MTA1: variants seen among roughly 807,000 people sequenced by gnomAD.
MTA1 encodes the protein metastasis associated 1, also known as metastasis-associated protein MTA1.
Under a neutral mutation model 97.0 loss-of-function variants are expected in MTA1, and 15 were observed. The ratio of observed to expected loss-of-function variants is 0.15; its 90% CI spans 0.10 to 0.24. The LOEUF is 0.24. Ranked by LOEUF, MTA1 falls within the 10% of genes least tolerant of loss-of-function variation. The pLI is 1.00. For synonymous variants in MTA1, 435 were observed against 417.5 expected, an observed-to-expected ratio of 1.04 and a Z score of -0.51; for missense variants, 709 against 1,015.1, an observed-to-expected ratio of 0.70 and a Z score of 4.10.
chr14:105,436,514 C>T (rs948371867), intron 1 of MTA1, among the ~76,000 whole-genome samples: 7 of 152,216 alleles, frequency 4.6e-5, no homozygotes, highest in Non-Finnish European at 8.8e-5. Flanking sequence ...CAAATTCTCA[C>T]GTCTTCCACA....
At chr14:105,469,346 T>C in intron 18 of MTA1, 121 bp from the exon 19 acceptor site, 1 of 1,116,070 alleles carries the variant, frequency 9.0e-7, no homozygotes. Flanking sequence ...GGGTGTGGGC[T>C]GTGGCTTGGT....
At position 105,464,727 on chromosome 14, in the gene MTA1, G is replaced by A. The variant is rs1555432098; in HGVS notation, c.1398G>A (p.Lys466=). 2 of 1,609,280 alleles carry A rather than the reference G, an allele frequency of 1.2e-6. No homozygotes were observed. Among genetic ancestry groups the A allele is most frequent in the Admixed American group, 1.7e-5 (1 of 59,860 alleles). ...GCGGGAGCCCCAAGTTTGCCATGAA[G>A]ACCAGGCAGGCTTTCTATCTGCACA... ...RSSGSPKFAM[K]TRQAFYLHTT... Residue 466 remains lysine (K), a synonymous_variant, in exon 15 of 21, where the codon AAG becomes AAA. Coordinates refer to ENST00000331320, the MANE Select transcript of MTA1 (RefSeq NM_004689.4).
Position 105,463,928 on chromosome 14 carries a change from G to C in MTA1, c.1077-104G>C. 1 of 1,065,542 alleles carries C rather than the reference G, an allele frequency of 9.4e-7. No homozygotes were observed. The highest frequency in any genetic ancestry group is 1.3e-5 in the South Asian group (1 of 77,776). 66.0% of individuals were successfully genotyped at this position (1,065,542 alleles called of 1,614,324 possible). A position where few individuals can be genotyped will look rare whatever the true frequency, so the allele number is the denominator to read the frequency against. ...TGCCGAGGCCGAGGGGTGCGAGGACGTGGTTCTGGACAAGGGGTGGTCAGC... is the reference window on the plus strand; with the variant it reads ...TGCCGAGGCCGAGGGGTGCGAGGACCTGGTTCTGGACAAGGGGTGGTCAGC... On this transcript the variant is annotated intron_variant, in intron 12 of 20. Coordinates refer to ENST00000331320, the MANE Select transcript of MTA1 (RefSeq NM_004689.4). This position sits in a 1 kb window ranked among gnomAD's most constrained non-coding sequence, Gnocchi z 5.9.
Position 105,464,096 on chromosome 14 carries a change from G to A in MTA1, c.1141G>A (p.Gly381Arg). The change falls in exon 13 of 21, where the codon GGG becomes AGG. Residue 381 changes from glycine to arginine, a missense_variant. Coordinates refer to ENST00000331320, the MANE Select transcript of MTA1 (RefSeq NM_004689.4). The part of the protein sequence containing the change: ...NVKAGVVNGT[G>R]APGQSPGAGR... ...CAAGGCCGGTGTGGTGAACGGCACG[G>A]GGGCGCCGGGCCAGAGCCCTGGGGC... 1 of 1,612,396 alleles carries A rather than the reference G, an allele frequency of 6.2e-7. No homozygotes were observed. Among genetic ancestry groups the A allele is most frequent in the Non-Finnish European group, 8.5e-7 (1 of 1,179,750 alleles).
At position 105,464,560 on chromosome 14, in the gene MTA1, G is replaced by A; in HGVS notation, c.1337G>A (p.Ser446Asn). The change falls in exon 14 of 21, where the codon AGT becomes AAT. Residue 446 changes from serine (S) to asparagine (N), a missense_variant. Coordinates refer to ENST00000331320, the MANE Select transcript of MTA1 (RefSeq NM_004689.4). ...LDGERPGPNR[S>N]NMSPHGLPAR... is the part of the protein sequence containing the mutation. ...GGAGAGAGGCCAGGACCAAACCGCA[G>A]TAACATGGTAAGGGGGGGGACACCC... 3.7e-6 allele frequency: 6 copies of A among 1,612,800 alleles called. No homozygotes were observed. The highest frequency in any genetic ancestry group is 5.1e-6 in the Non-Finnish European group (6 of 1,179,872).
chr14:105,421,231 T>G (rs1426239922), intron 1 of MTA1, among the ~76,000 whole-genome samples: 1 of 152,050 alleles, frequency 6.6e-6, no homozygotes, highest in Non-Finnish European at 1.5e-5. Flanking sequence ...CGGCAGCCCC[T>G]CCCACAGCCT....
Position 105,466,709 on chromosome 14 carries a change from A to G in MTA1, c.1780A>G (p.Asn594Asp). 6.2e-7 allele frequency: 1 copy of G among 1,602,796 alleles called. No homozygotes were observed. Among genetic ancestry groups the G allele is most frequent in the Non-Finnish European group, 8.5e-7 (1 of 1,176,088 alleles). The change falls in exon 18 of 21, where the codon AAC becomes GAC. Residue 594 changes from asparagine to aspartate, a missense_variant and splice_region_variant. Physicochemically the swap from Asn to Asp is conservative, Grantham distance 23. Coordinates refer to ENST00000331320, the MANE Select transcript of MTA1 (RefSeq NM_004689.4). ...SYEQHNGVDG[N>D]MKKRLLMPSR... The stretch of plus-strand genomic sequence containing the variant: ...CTCTCCCACCCCGGCGCTGCCAGGC[A>G]ACATGAAGAAGCGCCTCTTGATGCC...
rs1344043308 is a variant in MTA1, at chr14:105,420,763, C to T, written c.28+700C>T. On this transcript the variant is annotated intron_variant, in intron 1 of 20. Coordinates refer to ENST00000331320, the MANE Select transcript of MTA1 (RefSeq NM_004689.4). This position sits in a 1 kb window ranked among gnomAD's most constrained non-coding sequence, Gnocchi z 5.3. ...CCTCCGTGGGCCCAGCCTCCTGTTG[C>T]TCGGGCCCCCCGGGCCTGCAGCTTT... Among the ~76,000 whole-genome samples the T allele has an allele frequency of 1.3e-5, 2 of 152,218 alleles. No individual in the cohort carries two copies. Among genetic ancestry groups the T allele is most frequent in the Non-Finnish European group, 2.9e-5 (2 of 68,026 alleles).
At chr14:105,445,135 C>T (rs1403324242) in intron 2 of MTA1, among the ~76,000 whole-genome samples, 1 of 152,182 alleles carries the variant, frequency 6.6e-6, no homozygotes, top group Non-Finnish European at 1.5e-5. Context: ...CCTTGGGACC[C>T]TGCTGTTCTC....
At chr14:105,440,308 C>T (rs1196777997) in intron 2 of MTA1, among the ~76,000 whole-genome samples, 1 of 152,258 alleles carries the variant, frequency 6.6e-6, no homozygotes, top group Non-Finnish European at 1.5e-5. Flanking sequence ...GGAGGTTCCT[C>T]AGCTGACGCT....
In MTA1 at chr14:105,463,734, C is replaced by T. The variant is rs1226444958; in HGVS notation, c.1076+183C>T. 2 of 638,458 alleles carry T rather than the reference C, an allele frequency of 3.1e-6. No homozygotes were observed. Among genetic ancestry groups the T allele is most frequent in the African/African-American group, 1.8e-5 (1 of 54,474 alleles). The allele number at this position is 638,458 out of a possible 1,614,324, so 39.5% of individuals were successfully genotyped here. On this transcript the variant is annotated intron_variant, in intron 12 of 20. Coordinates refer to ENST00000331320, the MANE Select transcript of MTA1 (RefSeq NM_004689.4). This position sits in a 1 kb window ranked among gnomAD's most constrained non-coding sequence, Gnocchi z 5.9. Reference sequence around the variant, plus strand: ...GGCTGCAGACGCAGTGGCCATGTCTCTGTCGTCCTGGCCTCCTGGTCAGTA... The same window carrying T: ...GGCTGCAGACGCAGTGGCCATGTCTTTGTCGTCCTGGCCTCCTGGTCAGTA...
intron 13 of MTA1, 78 bp from the exon 14 acceptor site, chr14:105,464,338 C>T (rs1340986354): frequency 8.1e-7 from 1 of 1,229,016 alleles, no homozygotes; most frequent in Non-Finnish European, 1.1e-6. Context: ...GGGCGGCCGG[C>T]GTGGGGGTGG....
chr14:105,444,990 T>C (rs1555426728), intron 2 of MTA1, among the ~76,000 whole-genome samples: 1 of 152,126 alleles, frequency 6.6e-6, no homozygotes, highest in Non-Finnish European at 1.5e-5. Flanking sequence ...GCTGGTCCCA[T>C]GCGGGGGGTC....
intron 2 of MTA1, among the ~76,000 whole-genome samples, chr14:105,443,485 C>T (rs1210799886): frequency 6.6e-6 from 1 of 152,312 alleles, no homozygotes; most frequent in African/African-American, 2.4e-5. Flanking sequence ...GATCCTCTCA[C>T]CTCAGCCTCC....
At chr14:105,462,151 C>T (rs1595403018) in intron 10 of MTA1, among the ~76,000 whole-genome samples, 2 of 152,226 alleles carry the variant, frequency 1.3e-5, no homozygotes, top group African/African-American at 4.8e-5. Flanking sequence ...TGTCCAGGTG[C>T]GGGGATGGGA....
chr14:105,432,799 A>G (rs587700140), intron 1 of MTA1, among the ~76,000 whole-genome samples: 5 of 152,352 alleles, frequency 3.3e-5, no homozygotes, highest in African/African-American at 9.6e-5. Flanking sequence ...TCAAGAGGTA[A>G]AATGAGAGGC....
chr14:105,469,243 G>T, intron 18 of MTA1: 1 of 623,572 alleles, frequency 1.6e-6, no homozygotes, highest in Admixed American at 2.4e-5. Flanking sequence ...TGGAGCCCAA[G>T]CCAATGTGTC....
At chr14:105,450,438 C>T in intron 6 of MTA1, 114 bp downstream of exon 6, 1 of 1,208,470 alleles carries the variant, frequency 8.3e-7, no homozygotes, top group Non-Finnish European at 1.1e-6. Context: ...CCCTCTAGGC[C>T]CAGGCTGTTC....
In MTA1 at chr14:105,458,295, C is replaced by T. The variant is rs782031351; in HGVS notation, c.576C>T (p.Ser192=). The T allele has an allele frequency of 6.2e-7, 1 of 1,612,556 alleles. No homozygotes were observed. The highest frequency in any genetic ancestry group is 8.5e-7 in the Non-Finnish European group (1 of 1,179,920). Residue 192 remains serine, a synonymous_variant, in exon 8 of 21, where the codon TCC becomes TCT. Transcript: ENST00000331320. ...GCGAGGAGGATGGCCGAGACCAGTCCAGGTTGGAGACCCAGGTGTGGGAGG... is the reference window on the plus strand; with the variant it reads ...GCGAGGAGGATGGCCGAGACCAGTCTAGGTTGGAGACCCAGGTGTGGGAGG... ...KEGEEDGRDQ[S]RLETQVWEAH... is the part of the protein sequence containing the mutation.
Sources: gnomAD v4.1 joint callset for allele counts (sites outside exome capture counted in the v4.1 genomes callset) on GRCh38, gnomAD v4.1.1 for gene constraint, Gnocchi (gnomAD v3.1) non-coding constraint, MANE v1.5 for transcripts, NCBI Gene and HGNC (gene_info 2026-07-23, HGNC 2026-07-21) for gene names.